MYT1L: variants seen among roughly 807,000 people sequenced by gnomAD.
MYT1L encodes myelin transcription factor 1 like, also known as myelin transcription factor 1-like protein.
A neutral mutation model predicts 126.7 loss-of-function variants in MYT1L; 12 were observed. The ratio of observed to expected loss-of-function variants is 0.09; its 90% confidence interval spans 0.06 to 0.15. The LOEUF (loss-of-function observed/expected upper bound fraction) is 0.15. Among genes scored for constraint, MYT1L ranks in the 10% least tolerant of loss-of-function variants. The pLI is 1.00. For synonymous variants in MYT1L, 541 were observed against 604.2 expected, an observed-to-expected ratio of 0.90 and a Z score of 1.53; for missense variants, 979 against 1,585.2, an observed-to-expected ratio of 0.62 and a Z score of 6.49.
intron 8 of MYT1L, among the ~76,000 whole-genome samples, chr2:1,952,556 C>T (rs1023338963): frequency 6.6e-6 from 1 of 151,692 alleles, no homozygotes; most frequent in Non-Finnish European, 1.5e-5. Flanking sequence ...ATTTTTTCTT[C>T]TTGGAATTCC....
At chr2:2,294,228 A>G (rs1281121777) in intron 1 of MYT1L, among the ~76,000 whole-genome samples, 2 of 152,108 alleles carry the variant, frequency 1.3e-5, no homozygotes, top group Non-Finnish European at 2.9e-5. Context: ...CGGTCACTTG[A>G]CTCTGCTTAG....
intron 2 of MYT1L, among the ~76,000 whole-genome samples, chr2:2,223,057 G>C (rs1053217019): frequency 1.3e-5 from 2 of 152,120 alleles, no homozygotes; most frequent in African/African-American, 4.8e-5. Context: ...ACTAAGCAAT[G>C]AACTTCCTAG....
chr2:2,233,660 G>C (rs1260624836), intron 2 of MYT1L, among the ~76,000 whole-genome samples: 1 of 152,216 alleles, frequency 6.6e-6, no homozygotes, highest in African/African-American at 2.4e-5. Context: ...GTTGTAACAA[G>C]AGAGCGGAAC....
intron 18 of MYT1L, among the ~76,000 whole-genome samples, chr2:1,856,829 A>T (rs181841436): frequency 2.2e-4 from 34 of 152,326 alleles, no homozygotes; most frequent in South Asian, 8.3e-4. Context: ...TACTGCCTAA[A>T]CCCACTTTAC....
chr2:1,938,727 C>T (rs896857534), intron 9 of MYT1L, among the ~76,000 whole-genome samples: 2 of 152,132 alleles, frequency 1.3e-5, no homozygotes, highest in African/African-American at 4.8e-5. Flanking sequence ...GAGCTTCTGC[C>T]CTACCCATCT....
intron 2 of MYT1L, among the ~76,000 whole-genome samples, chr2:2,208,535 G>A (rs530122024): frequency 1.3e-5 from 2 of 152,144 alleles, no homozygotes; most frequent in African/African-American, 4.8e-5. Flanking sequence ...ATATATGTAT[G>A]TAGGCTTGTA....
chr2:1,839,992 A>G (rs2041446214), intron 20 of MYT1L, among the ~76,000 whole-genome samples: 2 of 152,334 alleles, frequency 1.3e-5, no homozygotes, highest in Non-Finnish European at 2.9e-5. Context: ...ACACCAGGGC[A>G]GCAAAGGCGC....
At chr2:2,253,202 C>T (rs1056943683) in intron 2 of MYT1L, among the ~76,000 whole-genome samples, 82 of 152,340 alleles carry the variant, frequency 5.4e-4, no homozygotes, top group African/African-American at 1.6e-3. Context: ...TGAGCCGGAG[C>T]GGGCTCCACT....
At chr2:2,206,198 G>A (rs963255401) in intron 2 of MYT1L, among the ~76,000 whole-genome samples, 5 of 152,000 alleles carry the variant, frequency 3.3e-5, no homozygotes, top group South Asian at 4.2e-4. Context: ...GGCTGGTTTC[G>A]AACTCCCGAT....
intron 18 of MYT1L, among the ~76,000 whole-genome samples, chr2:1,882,047 T>A (rs990689916): frequency 6.6e-6 from 1 of 152,130 alleles, no homozygotes; most frequent in Non-Finnish European, 1.5e-5. Context: ...GTTCCTCAGT[T>A]CTCACATCCG....
At chr2:2,279,947 G>C (rs1270050487) in intron 2 of MYT1L, among the ~76,000 whole-genome samples, 1 of 152,168 alleles carries the variant, frequency 6.6e-6, no homozygotes, top group Non-Finnish European at 1.5e-5. Context: ...GTCAAGGATG[G>C]GGTAAGAGGT....
chr2:1,992,099 T>C (rs2061494690), intron 5 of MYT1L, among the ~76,000 whole-genome samples: 2 of 151,974 alleles, frequency 1.3e-5, no homozygotes. Context: ...GGCACTGCTG[T>C]CTCCTTTCTC....
chr2:2,004,303 ATG>A (rs1558698258), intron 4 of MYT1L, among the ~76,000 whole-genome samples: 7 of 123,394 alleles, frequency 5.7e-5, no homozygotes, highest in Non-Finnish European at 8.6e-5. Flanking sequence ...TCTTTCCTGC[ATG>A]CGTTCTTTCC....
intron 5 of MYT1L, among the ~76,000 whole-genome samples, chr2:1,991,981 C>T (rs1435232238): frequency 1.3e-5 from 2 of 152,164 alleles, no homozygotes; most frequent in East Asian, 1.9e-4. Context: ...TTCGAACTGG[C>T]GTTTTCAGCC....
chr2:1,886,468 C>T, intron 18 of MYT1L, 71 bp downstream of exon 18: 6 of 1,139,828 alleles, frequency 5.3e-6, no homozygotes, highest in Non-Finnish European at 7.4e-6. Context: ...TTGCAAATGA[C>T]ATATCATTTT....
At chr2:1,961,578 A>G (rs1042543980) in intron 8 of MYT1L, among the ~76,000 whole-genome samples, 2 of 152,240 alleles carry the variant, frequency 1.3e-5, no homozygotes, top group Non-Finnish European at 2.9e-5. Context: ...GTGCACCCAC[A>G]CTGGCAGGTT....
At position 1,937,516 on chromosome 2, in the gene MYT1L, T is replaced by A. The variant is rs569679736; in HGVS notation, c.505+5466A>T. ...ACGTCCGCGGCCATCAGATTGCACA[T>A]CGAGAAGGCCCTAATGTCCGCAGCC... On this transcript the variant is annotated intron_variant, in intron 9 of 24. Transcript: ENST00000647738. Among the ~76,000 whole-genome samples, 24 of 146,272 alleles carry A rather than the reference T, an allele frequency of 1.6e-4. No individual in the cohort carries two copies. In the South Asian group the frequency reaches 5.1e-3, roughly 31 times the overall value.
intron 8 of MYT1L, among the ~76,000 whole-genome samples, chr2:1,950,722 A>T (rs955633278): frequency 6.6e-6 from 1 of 152,154 alleles, no homozygotes; most frequent in Non-Finnish European, 1.5e-5. Context: ...TGGAGGTGTG[A>T]GGGTGCAGGC....
intron 1 of MYT1L, among the ~76,000 whole-genome samples, chr2:2,290,856 G>T (rs1418157090): frequency 1.3e-5 from 2 of 152,084 alleles, no homozygotes; most frequent in East Asian, 3.9e-4. Flanking sequence ...AGAAACACTG[G>T]CTCAAAAGAA....
Sources: gnomAD v4.1 joint callset for allele counts (sites outside exome capture counted in the v4.1 genomes callset) on GRCh38, gnomAD v4.1.1 for gene constraint, MANE v1.5 for transcripts, NCBI Gene and HGNC (gene_info 2026-07-23, HGNC 2026-07-21) for gene names.